IGF2BP1: variants seen among roughly 807,000 people sequenced by gnomAD.
IGF2BP1 encodes the protein insulin-like growth factor 2 mRNA-binding protein 1.
Under a neutral mutation model 74.9 loss-of-function variants are expected in IGF2BP1, and 11 were observed. That is an observed-to-expected ratio of 0.15 (90% CI 0.09 to 0.24). The LOEUF is 0.24. Among genes scored for constraint, IGF2BP1 ranks in the 10% least tolerant of loss-of-function variants. IGF2BP1 has a pLI of 1.00. For synonymous variants in IGF2BP1, 287 were observed against 281.8 expected, an observed-to-expected ratio of 1.02 and a Z score of -0.18; for missense variants, 440 against 757.4, an observed-to-expected ratio of 0.58 and a Z score of 4.92.
At chr17:48,998,216 G>C (rs148047059) in intron 1 of IGF2BP1, among the ~76,000 whole-genome samples, 2 of 152,120 alleles carry the variant, frequency 1.3e-5, no homozygotes, top group Non-Finnish European at 1.5e-5. Flanking sequence ...TGGCAGTAGT[G>C]GGGGGTTGAA....
intron 2 of IGF2BP1, among the ~76,000 whole-genome samples, chr17:49,019,903 T>TA (rs2144018948): frequency 1.9e-5 from 1 of 51,864 alleles, no homozygotes; most frequent in East Asian, 5.4e-4. Flanking sequence ...ACCTGGCTAA[T>TA]TTATATATAT....
At chr17:49,011,190 A>T (rs1230105811) in intron 2 of IGF2BP1, among the ~76,000 whole-genome samples, 1 of 150,034 alleles carries the variant, frequency 6.7e-6, no homozygotes, top group Non-Finnish European at 1.5e-5. Context: ...AAACAAAAAC[A>T]GCTTTGTGGA....
intron 2 of IGF2BP1, among the ~76,000 whole-genome samples, chr17:49,016,933 GC>G (rs1156358666): frequency 2.7e-5 from 4 of 149,334 alleles, no homozygotes; most frequent in African/African-American, 9.9e-5. Context: ...CCCTTTCTCA[GC>G]TACTGCCATC....
chr17:49,037,743 C>T (rs936939991), intron 5 of IGF2BP1, among the ~76,000 whole-genome samples: 1 of 152,142 alleles, frequency 6.6e-6, no homozygotes, highest in African/African-American at 2.4e-5. Flanking sequence ...GTAGGGATTC[C>T]TCAATCCGGG....
intron 2 of IGF2BP1, among the ~76,000 whole-genome samples, chr17:49,017,114 G>A (rs1260297394): frequency 6.6e-6 from 1 of 152,042 alleles, no homozygotes; most frequent in African/African-American, 2.4e-5. Flanking sequence ...TTCCAGATGG[G>A]AGCGACAACT....
chr17:49,024,006 T>C (rs1276533100), intron 2 of IGF2BP1, among the ~76,000 whole-genome samples: 1 of 147,970 alleles, frequency 6.8e-6, no homozygotes, highest in African/African-American at 2.5e-5. Context: ...AACCTCTGCC[T>C]CCCTGGTTCA....
At chr17:49,010,949 G>A (rs2041609374) in intron 2 of IGF2BP1, among the ~76,000 whole-genome samples, 1 of 151,374 alleles carries the variant, frequency 6.6e-6, no homozygotes, top group Non-Finnish European at 1.5e-5. Context: ...GACCAGCCTG[G>A]CTAACATTGA....
chr17:49,030,664 C>T (rs1181219876), intron 4 of IGF2BP1, among the ~76,000 whole-genome samples: 5 of 150,752 alleles, frequency 3.3e-5, no homozygotes, highest in East Asian at 2.0e-4. Context: ...CTCGCTCTGT[C>T]GCCCAGGCTG....
chr17:49,027,034 C>T (rs1332371751), intron 4 of IGF2BP1, among the ~76,000 whole-genome samples: 1 of 152,328 alleles, frequency 6.6e-6, no homozygotes, highest in East Asian at 1.9e-4. Flanking sequence ...AGCCATTGCG[C>T]CCGGCCTCTG....
chr17:49,048,858 A>G (rs1383865948), intron 14 of IGF2BP1, among the ~76,000 whole-genome samples: 1 of 152,108 alleles, frequency 6.6e-6, no homozygotes, highest in African/African-American at 2.4e-5. Context: ...AATCTACTGC[A>G]TGCTGATTTG....
intron 2 of IGF2BP1, among the ~76,000 whole-genome samples, chr17:49,008,168 A>G (rs566352420): frequency 6.8e-6 from 1 of 147,282 alleles, no homozygotes; most frequent in Non-Finnish European, 1.5e-5. Flanking sequence ...GTGAAATTCC[A>G]TCTCAAAAAA....
At chr17:49,014,695 A>C (rs570346107) in intron 2 of IGF2BP1, 1 of 828,308 alleles carries the variant, frequency 1.2e-6, no homozygotes, top group East Asian at 1.2e-4. Flanking sequence ...CGGATCCCTG[A>C]GGGCTACTGC....
At position 49,055,515 on chromosome 17, in the gene IGF2BP1, G is replaced by T; in HGVS notation, c.*6071G>T. ...CTTAAATCTTGACTGGCACTTCCCG[G>T]CTGTGGGGGCTGGGGAGCCACTTGT... On this transcript the variant is annotated 3_prime_UTR_variant, in exon 15 of 15. Coordinates refer to ENST00000290341, the MANE Select transcript of IGF2BP1 (RefSeq NM_006546.4). The T allele has an allele frequency of 2.5e-6, 1 of 395,930 alleles. No homozygotes were observed. The highest frequency in any genetic ancestry group is 4.4e-6 in the Non-Finnish European group (1 of 224,788). The allele number at this position is 395,930 out of a possible 1,614,324, so 24.5% of individuals were successfully genotyped here. A position where few individuals can be genotyped will look rare whatever the true frequency, so the allele number is the denominator to read the frequency against.
chr17:49,024,050 G>A (rs985737824), intron 2 of IGF2BP1, among the ~76,000 whole-genome samples: 6 of 148,724 alleles, frequency 4.0e-5, no homozygotes, highest in African/African-American at 1.5e-4. Context: ...CTGAGTAGCT[G>A]GAATTACAGG....
chr17:49,043,613 C>G (rs2042077317), intron 10 of IGF2BP1, 63 bp downstream of exon 10: 8 of 1,571,128 alleles, frequency 5.1e-6, no homozygotes, highest in Admixed American at 1.8e-5. Context: ...TTAAGGGGGA[C>G]TCAGCATGCT....
intron 2 of IGF2BP1, among the ~76,000 whole-genome samples, chr17:49,010,356 G>A (rs1278085410): frequency 2.5e-5 from 3 of 121,620 alleles, no homozygotes; most frequent in African/African-American, 6.5e-5. Context: ...TTGCTCTGTC[G>A]CCCAGGCTGG....
intron 2 of IGF2BP1, among the ~76,000 whole-genome samples, chr17:49,014,538 C>T (rs925973157): frequency 1.3e-5 from 2 of 152,000 alleles, no homozygotes; most frequent in African/African-American, 2.4e-5. Context: ...GGAAGACCTC[C>T]ACAGAGAGGG....
intron 2 of IGF2BP1, among the ~76,000 whole-genome samples, chr17:49,005,275 T>G (rs997459385): frequency 1.3e-5 from 2 of 152,206 alleles, no homozygotes; most frequent in Non-Finnish European, 2.9e-5. Flanking sequence ...AAAACCTGAT[T>G]GCAACACACT....
At chr17:49,033,606 G>C (rs890128393) in intron 5 of IGF2BP1, among the ~76,000 whole-genome samples, 9 of 152,072 alleles carry the variant, frequency 5.9e-5, no homozygotes, top group African/African-American at 1.9e-4. Flanking sequence ...GCCCCCCAGA[G>C]TGCTGGGATT....
Sources: allele counts gnomAD v4.1 joint callset (sites outside exome capture counted in the v4.1 genomes callset), GRCh38; gene constraint gnomAD v4.1.1; transcripts MANE v1.5; gene names NCBI Gene and HGNC (gene_info 2026-07-23, HGNC 2026-07-21).